The following ARHGEF3 variants were observed in gnomAD, a reference collection of about 807,000 sequenced individuals.
The protein encoded by ARHGEF3 is Rho guanine nucleotide exchange factor 3, also known as 59.8 kDA protein.
ARHGEF3 carries 28 observed loss-of-function variants against 63.2 expected under a neutral mutation model. The ratio of observed to expected loss-of-function variants is 0.44; its 90% CI spans 0.33 to 0.61. The LOEUF (loss-of-function observed/expected upper bound fraction) is 0.61, where lower values mean the gene tolerates loss of function less well. ARHGEF3 is among the 20% of genes least tolerant of loss of function. ARHGEF3 has a pLI of 0.03. For missense variants in ARHGEF3, 533 were observed against 659.3 expected (o/e 0.81, Z 2.10); for synonymous variants, 266 against 254.2 (o/e 1.05, Z -0.44).
chr3:56,747,457 T>A (rs2034459724), intron 6 of ARHGEF3, among the ~76,000 whole-genome samples: 1 of 152,124 alleles, frequency 6.6e-6, no homozygotes. Context: ...CCCCAAGTGA[T>A]CTTTAACTAC....
intron 3 of ARHGEF3, among the ~76,000 whole-genome samples, chr3:56,944,647 G>A (rs540637455): frequency 7.3e-6 from 1 of 136,232 alleles, no homozygotes; most frequent in South Asian, 2.4e-4. Context: ...TGCTATCTCA[G>A]GGCACTGCAA....
At chr3:56,835,675 A>G (rs1467105097) in intron 4 of ARHGEF3, among the ~76,000 whole-genome samples, 2 of 152,132 alleles carry the variant, frequency 1.3e-5, no homozygotes, top group African/African-American at 2.4e-5. Context: ...GCCTCCTCAG[A>G]GTAACTATTT....
At chr3:56,747,064 C>CAGAG (rs5849167) in intron 6 of ARHGEF3, among the ~76,000 whole-genome samples, 1,774 of 148,258 alleles carry the variant, frequency 0.012, 23 homozygotes, top group African/African-American at 0.024. Flanking sequence ...CACACACACA[C>CAGAG]AGAGAGAGAG....
chr3:56,863,735 CACATTT>C (rs1218852950), intron 4 of ARHGEF3, among the ~76,000 whole-genome samples: 1 of 152,106 alleles, frequency 6.6e-6, no homozygotes, highest in Non-Finnish European at 1.5e-5. Context: ...ACACCCGGCC[CACATTT>C]ACCTTTTAAT....
chr3:57,037,641 G>A (rs921893175), intron 1 of ARHGEF3, among the ~76,000 whole-genome samples: 4 of 152,190 alleles, frequency 2.6e-5, no homozygotes, highest in South Asian at 2.1e-4. Context: ...TTGGGAGGCC[G>A]AGGCAGGCGG....
intron 3 of ARHGEF3, among the ~76,000 whole-genome samples, chr3:56,904,101 C>T (rs1302668864): frequency 6.6e-6 from 1 of 152,166 alleles, no homozygotes; most frequent in Non-Finnish European, 1.5e-5. Context: ...GCAATCTCAG[C>T]TCACTGCAAC....
At chr3:56,733,931 C>G (rs1267766447) in intron 8 of ARHGEF3, among the ~76,000 whole-genome samples, 1 of 138,142 alleles carries the variant, frequency 7.2e-6, no homozygotes, top group East Asian at 2.2e-4. Flanking sequence ...TTGCAGTGAG[C>G]TGAGATCGGG....
At chr3:57,000,271 G>A (rs1702136469) in intron 2 of ARHGEF3, among the ~76,000 whole-genome samples, 1 of 148,408 alleles carries the variant, frequency 6.7e-6, no homozygotes, top group African/African-American at 2.5e-5. Flanking sequence ...CCAGTGAGAG[G>A]CAGATTTATT....
At chr3:56,849,338 G>C (rs1243214078) in intron 4 of ARHGEF3, among the ~76,000 whole-genome samples, 1 of 152,048 alleles carries the variant, frequency 6.6e-6, no homozygotes, top group Non-Finnish European at 1.5e-5. Context: ...GTTTTTTCCA[G>C]GTAAATATAT....
chr3:56,816,773 G>A (rs191353316), intron 4 of ARHGEF3, among the ~76,000 whole-genome samples: 1 of 152,338 alleles, frequency 6.6e-6, no homozygotes, highest in Admixed American at 6.5e-5. Flanking sequence ...GAGTTCAAAT[G>A]CAAGCACCTT....
chr3:56,748,012 G>T (rs966788104), intron 6 of ARHGEF3, among the ~76,000 whole-genome samples: 1 of 152,204 alleles, frequency 6.6e-6, no homozygotes, highest in Non-Finnish European at 1.5e-5. Flanking sequence ...GAATCAGTAA[G>T]TACTAGCTAT....
At chr3:57,044,676 G>C (rs985194894) in intron 1 of ARHGEF3, among the ~76,000 whole-genome samples, 2 of 152,130 alleles carry the variant, frequency 1.3e-5, no homozygotes, top group African/African-American at 4.8e-5. Flanking sequence ...TCCATCACAT[G>C]TTCATTTGGG....
chr3:57,067,489 A>ATAATAATAATAT (rs1261385365), intron 1 of ARHGEF3, among the ~76,000 whole-genome samples: 1 of 144,698 alleles, frequency 6.9e-6, no homozygotes, highest in African/African-American at 2.5e-5. Context: ...AATAATAATA[A>ATAATAATAATAT]TATTTGTCTA....
chr3:56,786,903 T>TAA lies in ARHGEF3; in HGVS notation c.97-13089_97-13088dup, dbSNP rs35623334. On this transcript the variant is annotated intron_variant, in intron 1 of 9. Transcript: ENST00000296315. ...CTGTGATTTGGTTGTTGGGTTTTGT[T>TAA]AAAAAAAAAAAAAAAGTTGGCTAGC... Among the ~76,000 whole-genome samples the TAA allele has an allele frequency of 1.5e-3, 212 of 143,488 alleles. 1 individual carries two copies. Among genetic ancestry groups the TAA allele is most frequent in the South Asian group, 2.7e-3 (12 of 4,482 alleles). The allele number at this position is 143,488 out of a possible 152,430, so 94.1% of individuals were successfully genotyped here.
chr3:56,842,728 G>A (rs2039354792), intron 4 of ARHGEF3, among the ~76,000 whole-genome samples: 1 of 152,116 alleles, frequency 6.6e-6, no homozygotes, highest in Non-Finnish European at 1.5e-5. Flanking sequence ...TCCCCAAGAT[G>A]GCTCATCACG....
At chr3:56,973,775 C>G (rs992445784) in intron 2 of ARHGEF3, among the ~76,000 whole-genome samples, 5 of 152,130 alleles carry the variant, frequency 3.3e-5, no homozygotes, top group African/African-American at 1.2e-4. Context: ...AGAAAGAGAG[C>G]TTAGAGATAC....
intron 1 of ARHGEF3, among the ~76,000 whole-genome samples, chr3:57,058,365 A>G (rs565691834): frequency 6.6e-6 from 1 of 152,302 alleles, no homozygotes; most frequent in South Asian, 2.1e-4. Flanking sequence ...ATAGACTGTG[A>G]TGCTCTCGGC....
chr3:56,845,194 T>C (rs1446320222), intron 4 of ARHGEF3, among the ~76,000 whole-genome samples: 5 of 152,208 alleles, frequency 3.3e-5, no homozygotes, highest in African/African-American at 1.2e-4. Context: ...AAACCTCAGA[T>C]GAGACCATAA....
chr3:56,944,878 C>T (rs1350645295), intron 3 of ARHGEF3, among the ~76,000 whole-genome samples: 1 of 151,974 alleles, frequency 6.6e-6, no homozygotes, highest in Non-Finnish European at 1.5e-5. Context: ...CGCACTCAGC[C>T]AAAAAGTAGT....
Sources: allele counts gnomAD v4.1 joint callset (sites outside exome capture counted in the v4.1 genomes callset), GRCh38; gene constraint gnomAD v4.1.1; transcripts MANE v1.5; gene names NCBI Gene and HGNC (gene_info 2026-07-23, HGNC 2026-07-21).